LGALS1: variants seen among roughly 807,000 people sequenced by gnomAD.
LGALS1 encodes galectin-1.
Under a neutral mutation model 14.4 loss-of-function variants are expected in LGALS1, and 14 were observed. The observed-to-expected ratio is 0.97, with a 90% CI of 0.64 to 1.52. LGALS1 has a LOEUF of 1.52. Among genes scored for constraint, LGALS1 ranks in the 40% most tolerant of loss-of-function variants. LGALS1 has a pLI of 0.00. For missense variants in LGALS1, 170 were observed against 181.4 expected, an observed-to-expected ratio of 0.94 and a Z score of 0.36; for synonymous variants, 71 against 73.4, an observed-to-expected ratio of 0.97 and a Z score of 0.17.
intron 1 of LGALS1, 193 bp from the exon 2 acceptor site, chr22:37,676,793 G>T: frequency 1.5e-6 from 1 of 678,956 alleles, no homozygotes; most frequent in Non-Finnish European, 2.7e-6. Flanking sequence ...GTGGGAATAG[G>T]GACTTTCCCA....
chr22:37,675,729 C>G lies in LGALS1; in HGVS notation c.9+18C>G. 1 of 1,538,682 alleles carries G rather than the reference C, an allele frequency of 6.5e-7. No individual in the cohort carries two copies. Among genetic ancestry groups the G allele is most frequent in the Non-Finnish European group, 8.8e-7 (1 of 1,140,598 alleles). ...TGGCTTGTGTGAGTGTGGGGACCCC[C>G]CCCCAAGGTCCAGGGGATAGGGCAG... On this transcript the variant is annotated intron_variant, in intron 1 of 3. Coordinates refer to ENST00000215909, the MANE Select transcript of LGALS1 (RefSeq NM_002305.4).
intron 1 of LGALS1, 129 bp from the exon 2 acceptor site, chr22:37,676,857 C>T (rs1921444676): frequency 1.2e-6 from 1 of 863,076 alleles, no homozygotes; most frequent in Non-Finnish European, 1.9e-6. Context: ...TTTCCCCAGG[C>T]TTCCCCTTGG....
chr22:37,678,729 A>C, intron 3 of LGALS1, 75 bp downstream of exon 3: 1 of 1,424,834 alleles, frequency 7.0e-7, no homozygotes, highest in Non-Finnish European at 9.4e-7. Flanking sequence ...TAGTGACTAG[A>C]GACCTTGGCC....
intron 2 of LGALS1, 67 bp downstream of exon 2, chr22:37,677,132 G>T: frequency 6.7e-7 from 1 of 1,492,962 alleles, no homozygotes; most frequent in Admixed American, 1.8e-5. Flanking sequence ...GGCGTGGCCG[G>T]CCAAGCCCAC....
chr22:37,679,600 C>T lies in LGALS1; in HGVS notation c.262-3C>T, dbSNP rs534992877. 2.9e-5 allele frequency: 46 copies of T among 1,602,468 alleles called. 2 individuals are homozygous for T. The highest frequency in any genetic ancestry group is 2.6e-4 in the South Asian group (23 of 89,050). On this transcript the variant is annotated splice_polypyrimidine_tract_variant and splice_region_variant and intron_variant, in intron 3 of 3. Coordinates refer to ENST00000215909, the MANE Select transcript of LGALS1 (RefSeq NM_002305.4). ...CCGGCTCACTGCTCTCCTCTACCCC[C>T]AGGTGTGCATCACCTTCGACCAGGC...
chr22:37,676,370 C>A (rs1264816843), intron 1 of LGALS1, among the ~76,000 whole-genome samples: 1 of 152,162 alleles, frequency 6.6e-6, no homozygotes, highest in East Asian at 1.9e-4. Context: ...TCTTGCCCAC[C>A]CACTCGGGGT....
chr22:37,679,232 G>A (rs547824642), intron 3 of LGALS1, among the ~76,000 whole-genome samples: 10 of 151,458 alleles, frequency 6.6e-5, no homozygotes, highest in Non-Finnish European at 1.5e-4. Flanking sequence ...AGGAGTTCGA[G>A]ACCAGCCTGA....
In LGALS1 at chr22:37,679,603, G is replaced by T; in HGVS notation, c.262G>T (p.Val88Leu). 6.2e-7 allele frequency: 1 copy of T among 1,602,982 alleles called. No individual in the cohort carries two copies. The highest frequency in any genetic ancestry group is 8.5e-7 in the Non-Finnish European group (1 of 1,175,678). Residue 88 changes from valine to leucine, a missense_variant and splice_region_variant, in exon 4 of 4, where the codon GTG becomes TTG. By Grantham distance (32) the Val-to-Leu change is conservative. Transcript: ENST00000215909. ...GCTCACTGCTCTCCTCTACCCCCAGGTGTGCATCACCTTCGACCAGGCCAA... is the reference window on the plus strand; with the variant it reads ...GCTCACTGCTCTCCTCTACCCCCAGTTGTGCATCACCTTCGACCAGGCCAA... ...FPFQPGSVAEVCITFDQANLT... is the reference protein window; with the variant it reads ...FPFQPGSVAELCITFDQANLT...
At chr22:37,679,487 A>T in intron 3 of LGALS1, 116 bp from the exon 4 acceptor site, 1 of 853,020 alleles carries the variant, frequency 1.2e-6, no homozygotes, top group Non-Finnish European at 1.6e-6. Flanking sequence ...AAATATTATA[A>T]ATGTACCTCC....
At chr22:37,676,887 G>A (rs746902808) in intron 1 of LGALS1, 99 bp from the exon 2 acceptor site, 3 of 1,182,672 alleles carry the variant, frequency 2.5e-6, no homozygotes, top group African/African-American at 3.0e-5. Context: ...AGGATGCCGG[G>A]CGGGAACAAC....
chr22:37,678,235 A>G, intron 2 of LGALS1: 1 of 623,852 alleles, frequency 1.6e-6, no homozygotes, highest in Non-Finnish European at 3.0e-6. Flanking sequence ...CCTTGACCAA[A>G]CGGGCTAGGA....
chr22:37,676,812 T>A (rs757884768), intron 1 of LGALS1, 174 bp from the exon 2 acceptor site: 4 of 722,172 alleles, frequency 5.5e-6, no homozygotes, highest in South Asian at 4.6e-5. Flanking sequence ...CAGGACCACA[T>A]AGACAATCGG....
intron 2 of LGALS1, 74 bp downstream of exon 2, chr22:37,677,139 C>A (rs1248288403): frequency 1.4e-6 from 2 of 1,415,202 alleles, no homozygotes; most frequent in Non-Finnish European, 2.0e-6. Context: ...CCGGCCAAGC[C>A]CACATCTCCT....
intron 1 of LGALS1, 78 bp from the exon 2 acceptor site, chr22:37,676,908 C>A (rs775115288): frequency 6.8e-7 from 1 of 1,480,882 alleles, no homozygotes; most frequent in Non-Finnish European, 9.4e-7. Context: ...CCCACTCCCA[C>A]CCCCAGCCAC....
Position 37,678,610 on chromosome 22 carries a change from C to G in LGALS1, c.217C>G (p.Gln73Glu). Residue 73 changes from glutamine (Q) to glutamate (E), a missense_variant, in exon 3 of 4, where the codon CAG becomes GAG. By Grantham distance (29) the Gln-to-Glu change is conservative. Coordinates refer to ENST00000215909, the MANE Select transcript of LGALS1 (RefSeq NM_002305.4). ...GGACGGCGGGGCCTGGGGGACCGAGCAGCGGGAGGCTGTCTTTCCCTTCCA... is the reference window on the plus strand; with the variant it reads ...GGACGGCGGGGCCTGGGGGACCGAGGAGCGGGAGGCTGTCTTTCCCTTCCA... ...SKDGGAWGTE[Q>E]REAVFPFQPG... 6.3e-7 allele frequency: 1 copy of G among 1,586,042 alleles called. No individual in the cohort carries two copies. The highest frequency in any genetic ancestry group is 8.6e-7 in the Non-Finnish European group (1 of 1,163,304).
chr22:37,677,158 G>A, intron 2 of LGALS1, 93 bp downstream of exon 2: 2 of 1,276,044 alleles, frequency 1.6e-6, no homozygotes, highest in South Asian at 1.3e-5. Context: ...CTCCCTGGCC[G>A]GGAGCGGGTT....
intron 2 of LGALS1, 173 bp from the exon 3 acceptor site, chr22:37,678,310 A>G: frequency 1.3e-6 from 1 of 743,878 alleles, no homozygotes; most frequent in Admixed American, 2.0e-5. Flanking sequence ...ATGAGCAAAC[A>G]GGGGAAGAGG....
chr22:37,675,816 C>G lies in LGALS1; in HGVS notation c.9+105C>G, dbSNP rs552349358. On this transcript the variant is annotated intron_variant, in intron 1 of 3. Transcript: ENST00000215909. The stretch of plus-strand genomic sequence containing the variant: ...GCAGATTCTAGCCCCAGCTGTGTGG[C>G]CTGGAACCAGTGCCTTCTCTTTTCT... 4,229 of 1,082,134 alleles carry G rather than the reference C, an allele frequency of 3.9e-3. 45 individuals carry two copies. The highest frequency in any genetic ancestry group is 2.7e-3 in the Non-Finnish European group (2,159 of 789,156). 67.0% of individuals were successfully genotyped at this position (1,082,134 alleles called of 1,614,324 possible).
At chr22:37,675,732 C>CG (rs1183854899) in intron 1 of LGALS1, 21 bp downstream of exon 1, 10 of 1,538,570 alleles carry the variant, frequency 6.5e-6, no homozygotes, top group African/African-American at 1.4e-5. Flanking sequence ...GGACCCCCCC[C>CG]CAAGGTCCAG....
Sources: allele counts gnomAD v4.1 joint callset (sites outside exome capture counted in the v4.1 genomes callset), GRCh38; gene constraint gnomAD v4.1.1; transcripts MANE v1.5; gene names NCBI Gene and HGNC (gene_info 2026-07-23, HGNC 2026-07-21).